KLHL3: variants seen among roughly 807,000 people sequenced by gnomAD.
KLHL3 encodes the protein kelch like family member 3, also known as kelch-like protein 3.
A neutral mutation model predicts 70.5 loss-of-function variants in KLHL3; 19 were observed. The observed-to-expected ratio is 0.27, with a 90% CI of 0.19 to 0.40. The LOEUF (loss-of-function observed/expected upper bound fraction) is 0.40, where lower values mean the gene tolerates loss of function less well. Ranked by LOEUF, KLHL3 falls within the 10% of genes least tolerant of loss-of-function variation. The probability of loss-of-function intolerance (pLI) is 1.00; values close to 1 mark genes in which losing one functional copy is unlikely to be tolerated. For missense variants in KLHL3, 512 were observed against 771.1 expected, an observed-to-expected ratio of 0.66 and a Z score of 3.98; for synonymous variants, 258 against 290.3, an observed-to-expected ratio of 0.89 and a Z score of 1.13.
rs532174141 is a variant in KLHL3, at chr5:137,628,284, G to A, written c.1591+13C>T. On this transcript the variant is annotated intron_variant, in intron 13 of 14. Transcript: ENST00000309755. ...ACAACCCCCAAAGGGGAGATGGAGA[G>A]AGCAGTCATTACCTGCGTTGCGCCG... The A allele has an allele frequency of 1.2e-6, 2 of 1,613,938 alleles. No homozygotes were observed. The highest frequency in any genetic ancestry group is 1.1e-5 in the South Asian group (1 of 91,044).
chr5:137,692,281 T>A lies in KLHL3; in HGVS notation c.526+4A>T, dbSNP rs1369913714. ...GGAGGTGCAGCAGTCCGGCTCCCCC[T>A]TACCTGCGTAGGCATTGGCCTGCTG... On this transcript the variant is annotated splice_donor_region_variant and intron_variant, in intron 5 of 14. Coordinates refer to ENST00000309755, the MANE Select transcript of KLHL3 (RefSeq NM_017415.3). The A allele has an allele frequency of 1.9e-6, 3 of 1,610,656 alleles. No individual in the cohort carries two copies. The highest frequency in any genetic ancestry group is 2.5e-6 in the Non-Finnish European group (3 of 1,178,986).
intron 8 of KLHL3, among the ~76,000 whole-genome samples, chr5:137,643,889 C>G (rs1444534195): frequency 6.6e-6 from 1 of 152,084 alleles, no homozygotes; most frequent in Non-Finnish European, 1.5e-5. Flanking sequence ...CCCCTCCCTC[C>G]TCCCTTCCCC....
intron 12 of KLHL3, chr5:137,628,710 TATACAC>T (rs1415696273): frequency 2.1e-4 from 46 of 214,724 alleles, no homozygotes; most frequent in East Asian, 9.2e-4. Flanking sequence ...TATATATATA[TATACAC>T]ACACACAGAC....
intron 10 of KLHL3, 112 bp from the exon 11 acceptor site, chr5:137,637,507 T>C: frequency 4.9e-6 from 4 of 813,216 alleles, no homozygotes; most frequent in Admixed American, 2.0e-5. Context: ...AACCTAAATG[T>C]ATGGCTCAGT....
intron 5 of KLHL3, among the ~76,000 whole-genome samples, 193 bp downstream of exon 5, chr5:137,692,092 G>A (rs530357277): frequency 6.6e-6 from 1 of 152,200 alleles, no homozygotes; most frequent in East Asian, 1.9e-4. Context: ...CATCCCCTTG[G>A]CAATTAATCA....
chr5:137,668,772 C>T (rs1253057282), intron 6 of KLHL3, among the ~76,000 whole-genome samples: 2 of 152,238 alleles, frequency 1.3e-5, no homozygotes, highest in Non-Finnish European at 2.9e-5. Flanking sequence ...CTCTTCCTAA[C>T]TCCACGTTTA....
intron 5 of KLHL3, among the ~76,000 whole-genome samples, chr5:137,682,403 T>TAGAGAGAGTGAGAGAGAGAGAGAG (rs1752049533): frequency 7.5e-6 from 1 of 133,374 alleles, no homozygotes; most frequent in Non-Finnish European, 1.6e-5. Flanking sequence ...GTGCTGGACA[T>TAGAGAGAGTGAGAGAGAGAGAGAG]AGAGAGAGAG....
chr5:137,694,319 A>G (rs1457736430), intron 4 of KLHL3, among the ~76,000 whole-genome samples: 1 of 152,212 alleles, frequency 6.6e-6, no homozygotes, highest in Non-Finnish European at 1.5e-5. Flanking sequence ...CATGTCTGTG[A>G]TATTTTCTGA....
chr5:137,682,403 TAGAG>T (rs10578622), intron 5 of KLHL3, among the ~76,000 whole-genome samples: 76,275 of 133,370 alleles, frequency 0.57, 21,198 homozygotes, highest in East Asian at 0.92. Flanking sequence ...GTGCTGGACA[TAGAG>T]AGAGAGAGAG....
At chr5:137,638,650 C>G (rs1314621996) in intron 10 of KLHL3, among the ~76,000 whole-genome samples, 5 of 152,124 alleles carry the variant, frequency 3.3e-5, no homozygotes, top group Admixed American at 2.6e-4. Flanking sequence ...TGAGGCACCC[C>G]CTAGCTAAGC....
At chr5:137,662,393 C>A (rs1751504902) in intron 6 of KLHL3, among the ~76,000 whole-genome samples, 1 of 151,996 alleles carries the variant, frequency 6.6e-6, no homozygotes, top group Non-Finnish European at 1.5e-5. Context: ...AACTGTGAAC[C>A]AAATTTATAG....
chr5:137,728,383 A>T (rs1217470093), intron 1 of KLHL3, among the ~76,000 whole-genome samples: 1 of 152,172 alleles, frequency 6.6e-6, no homozygotes, highest in Non-Finnish European at 1.5e-5. Context: ...AATTAGGTTT[A>T]ACTACTGACC....
At chr5:137,650,198 T>G (rs997972412) in intron 8 of KLHL3, among the ~76,000 whole-genome samples, 3 of 152,328 alleles carry the variant, frequency 2.0e-5, no homozygotes, top group East Asian at 1.9e-4. Context: ...AGTTTTCTCC[T>G]GCAGTCACCT....
chr5:137,677,194 C>G (rs1041665161), intron 6 of KLHL3, among the ~76,000 whole-genome samples: 3 of 152,112 alleles, frequency 2.0e-5, no homozygotes, highest in African/African-American at 7.2e-5. Context: ...CACCTGTCAT[C>G]CCAGCATTTT....
rs368098288 is a variant in KLHL3 at position 137,622,028 on chromosome 5, A to G, written c.*70T>C. On this transcript the variant is annotated 3_prime_UTR_variant, in exon 15 of 15. Coordinates refer to ENST00000309755, the MANE Select transcript of KLHL3 (RefSeq NM_017415.3). ...CCCAAGCAAGTTGAATCCAGTCACC[A>G]AGGTCCTGCTGTTCAGAGTCACAGG... 2.0e-4 allele frequency: 303 copies of G among 1,535,928 alleles called. 1 individual carries two copies. In the African/African-American group the frequency reaches 2.9e-3, roughly 15 times the overall value.
In KLHL3 at chr5:137,670,813, CA is replaced by C. The variant is rs950699004; in HGVS notation, c.636+6731del. Among the ~76,000 whole-genome samples the C allele has an allele frequency of 1.2e-3, 166 of 142,392 alleles. 1 individual carries two copies. Among genetic ancestry groups the C allele is most frequent in the Admixed American group, 3.7e-3 (53 of 14,314 alleles). The allele number at this position is 142,392 out of a possible 152,430, so 93.4% of individuals were successfully genotyped here. A position where few individuals can be genotyped will look rare whatever the true frequency, so the allele number is the denominator to read the frequency against. On this transcript the variant is annotated intron_variant, in intron 6 of 14. Coordinates refer to ENST00000309755, the MANE Select transcript of KLHL3 (RefSeq NM_017415.3). ...TGAAACCCCGTCTCTACTAAAAATA[CA>C]AAAAAAAAAATAGCCGTAAGTGGTG...
chr5:137,735,998 C>T lies in KLHL3; in HGVS notation c.-352G>A, dbSNP rs886059963. ...GCGACCCAGGTGCACTGCCACCTTT[C>T]CAGCTTCCTCTGCATCTGCCCAGGC... On this transcript the variant is annotated 5_prime_UTR_variant, in exon 1 of 15. Transcript: ENST00000309755. 9.7e-6 allele frequency: 4 copies of T among 410,584 alleles called. No homozygotes were observed. Among genetic ancestry groups the T allele is most frequent in the Non-Finnish European group, 1.8e-5 (4 of 217,092 alleles). The allele number at this position is 410,584 out of a possible 1,614,324, so 25.4% of individuals were successfully genotyped here. A position where few individuals can be genotyped will look rare whatever the true frequency, so the allele number is the denominator to read the frequency against.
At chr5:137,734,599 C>T (rs1006729620) in intron 1 of KLHL3, among the ~76,000 whole-genome samples, 1 of 152,202 alleles carries the variant, frequency 6.6e-6, no homozygotes, top group African/African-American at 2.4e-5. Flanking sequence ...CTAGTGTTGA[C>T]TTAGTTGAGC....
chr5:137,716,424 A>G (rs1411177523), intron 2 of KLHL3, among the ~76,000 whole-genome samples: 1 of 152,172 alleles, frequency 6.6e-6, no homozygotes, highest in African/African-American at 2.4e-5. Flanking sequence ...TATAAAGGTT[A>G]CAGCCTGCAG....
Sources: gnomAD v4.1 joint callset for allele counts (sites outside exome capture counted in the v4.1 genomes callset) on GRCh38, gnomAD v4.1.1 for gene constraint, MANE v1.5 for transcripts, NCBI Gene and HGNC (gene_info 2026-07-23, HGNC 2026-07-21) for gene names.